The following MTUS1 variants were observed in gnomAD, a reference collection of about 807,000 sequenced individuals.
The protein encoded by MTUS1 is microtubule associated scaffold protein 1.
Under a neutral mutation model 120.8 loss-of-function variants are expected in MTUS1, and 109 were observed. The ratio of observed to expected loss-of-function variants is 0.90; its 90% CI spans 0.77 to 1.06. The LOEUF is 1.06. MTUS1 is among the 50% of genes least tolerant of loss of function. The pLI, the probability that MTUS1 is intolerant of heterozygous loss-of-function variation, is 0.00. For synonymous variants in MTUS1, 737 were observed against 550.5 expected (o/e 1.34, Z -4.74); for missense variants, 2,210 against 1,486.3 (o/e 1.49, Z -8.01).
intron 8 of MTUS1, among the ~76,000 whole-genome samples, chr8:17,671,801 C>T (rs1037537510): frequency 2.6e-5 from 4 of 152,168 alleles, no homozygotes; most frequent in South Asian, 2.1e-4. Flanking sequence ...CAACTCCCAT[C>T]GCCCCACCCC....
At chr8:17,729,868 G>A (rs372719873) in intron 3 of MTUS1, among the ~76,000 whole-genome samples, 5 of 150,070 alleles carry the variant, frequency 3.3e-5, no homozygotes, top group African/African-American at 9.8e-5. Flanking sequence ...TTTCTCCTAA[G>A]AAGACAACAA....
chr8:17,723,699 T>G lies in MTUS1; in HGVS notation c.2422A>C (p.Ser808Arg), dbSNP rs550434034. ...GSTPSIASTH[S>R]ELSTYSNNSG... is the part of the protein sequence containing the mutation. ...TTGTTGCTGTAAGTGCTCAGCTCAC[T>G]GTGGGTGCTGGCTATTGAGGGGGTG... Residue 808 changes from serine to arginine, a missense_variant, in exon 4 of 15, where the codon AGT (serine) becomes CGT (arginine). Physicochemically the swap from Ser to Arg is moderately radical, Grantham distance 110. Transcript: ENST00000693296. 6.2e-7 allele frequency: 1 copy of G among 1,610,932 alleles called. No individual in the cohort carries two copies. The highest frequency in any genetic ancestry group is 1.3e-5 in the African/African-American group (1 of 74,966).
chr8:17,653,142 G>T, intron 12 of MTUS1, 44 bp downstream of exon 12: 2 of 1,181,542 alleles, frequency 1.7e-6, no homozygotes, highest in South Asian at 1.4e-5. Flanking sequence ...AAAGGCAACT[G>T]AGAAGAAAAA....
intron 2 of MTUS1, among the ~76,000 whole-genome samples, chr8:17,751,632 G>A (rs974941401): frequency 6.6e-6 from 1 of 152,104 alleles, no homozygotes; most frequent in Non-Finnish European, 1.5e-5. Flanking sequence ...GGCCGAGGCA[G>A]GTGGATCATG....
intron 1 of MTUS1, among the ~76,000 whole-genome samples, chr8:17,799,680 C>A (rs2052525180): frequency 6.6e-6 from 1 of 151,968 alleles, no homozygotes; most frequent in African/African-American, 2.4e-5. Flanking sequence ...CAAAATGTAA[C>A]CTTGACTTAT....
At chr8:17,662,459 G>A (rs192376052) in intron 8 of MTUS1, among the ~76,000 whole-genome samples, 22 of 148,416 alleles carry the variant, frequency 1.5e-4, no homozygotes, top group South Asian at 1.1e-3. Context: ...GGGTTCATGC[G>A]ATTCTCTTGC....
chr8:17,734,915 T>C (rs1033080786), intron 3 of MTUS1, among the ~76,000 whole-genome samples: 16 of 152,140 alleles, frequency 1.1e-4, no homozygotes, highest in Non-Finnish European at 2.1e-4. Context: ...CACCAACTTT[T>C]TTTTTTTTCT....
chr8:17,760,345 A>G (rs1472873242), intron 1 of MTUS1, among the ~76,000 whole-genome samples: 2 of 152,236 alleles, frequency 1.3e-5, no homozygotes, highest in Non-Finnish European at 2.9e-5. Context: ...CATCTCTTCT[A>G]CTTTGTAGAC....
At chr8:17,742,629 T>C (rs184972420) in intron 3 of MTUS1, among the ~76,000 whole-genome samples, 1 of 152,242 alleles carries the variant, frequency 6.6e-6, no homozygotes, top group Admixed American at 6.5e-5. Context: ...TCTGTGGTCA[T>C]GTCTCCTTGA....
intron 3 of MTUS1, chr8:17,724,225 T>C: frequency 2.5e-6 from 1 of 402,128 alleles, no homozygotes; most frequent in African/African-American, 2.1e-5. Flanking sequence ...AAAAAAATAA[T>C]CCATTAGGAC....
chr8:17,720,670 C>A (rs1016703373), intron 4 of MTUS1, among the ~76,000 whole-genome samples: 4 of 152,198 alleles, frequency 2.6e-5, no homozygotes, highest in African/African-American at 9.6e-5. Context: ...AGACCCCCTT[C>A]TAAATTGCAC....
rs533346706 is a variant in MTUS1 at position 17,750,516 on chromosome 8, T to G, written c.2091+3201A>C. 4.0e-4 allele frequency among the ~76,000 whole-genome samples: 61 copies of G among 152,190 alleles called. 1 individual carries two copies. The highest frequency in any genetic ancestry group is 1.3e-3 in the African/African-American group (55 of 41,546). ...TTCCAAAAATTTTGAAACCGTATGGTGTATGGAGCAGAAAAGGCCAGGATT... is the reference window on the plus strand; with the variant it reads ...TTCCAAAAATTTTGAAACCGTATGGGGTATGGAGCAGAAAAGGCCAGGATT... On this transcript the variant is annotated intron_variant, in intron 2 of 14. Coordinates refer to ENST00000693296, the MANE Select transcript of MTUS1 (RefSeq NM_001363059.2).
At chr8:17,794,607 T>C (rs774544299) in intron 1 of MTUS1, among the ~76,000 whole-genome samples, 4 of 152,214 alleles carry the variant, frequency 2.6e-5, no homozygotes, top group Non-Finnish European at 2.9e-5. Flanking sequence ...GGAGGACTTC[T>C]GCAATCCTCA....
intron 1 of MTUS1, among the ~76,000 whole-genome samples, chr8:17,764,466 T>C (rs2049306604): frequency 1.3e-5 from 2 of 150,984 alleles, no homozygotes; most frequent in Admixed American, 6.6e-5. Context: ...CATTAAACAA[T>C]AGTTTATAAT....
chr8:17,663,967 G>C (rs144119054), intron 8 of MTUS1: 25 of 152,352 alleles, frequency 1.6e-4, no homozygotes, highest in African/African-American at 5.8e-4. Context: ...AATAGCACAG[G>C]TGAAGCACTC....
At chr8:17,665,862 C>A (rs1810787836) in intron 8 of MTUS1, among the ~76,000 whole-genome samples, 1 of 152,128 alleles carries the variant, frequency 6.6e-6, no homozygotes, top group Admixed American at 6.6e-5. Context: ...ACCTTTCCCC[C>A]CCTATACTGG....
At position 17,755,609 on chromosome 8, in the gene MTUS1, C is replaced by G. The variant is rs776390639; in HGVS notation, c.199G>C (p.Gly67Arg). ...DYETDPAVVTGENISLSLQGV... is the reference protein window; with the variant it reads ...DYETDPAVVTRENISLSLQGV... ...TGAAGGCTTAAAGAAATATTTTCACCAGTAACTACAGCAGGGTCAGTTTCA... is the reference window on the plus strand; with the variant it reads ...TGAAGGCTTAAAGAAATATTTTCACGAGTAACTACAGCAGGGTCAGTTTCA... The change falls in exon 2 of 15, where the codon GGT (glycine) becomes CGT (arginine). Residue 67 changes from glycine (G) to arginine (R), a missense_variant. Transcript: ENST00000693296. 10 of 1,614,160 alleles carry G rather than the reference C, an allele frequency of 6.2e-6. No individual in the cohort carries two copies. The Admixed American group carries it at 1.7e-4, about 27-fold the overall frequency.
chr8:17,773,613 G>C (rs1230109941), intron 1 of MTUS1, among the ~76,000 whole-genome samples: 6 of 152,148 alleles, frequency 3.9e-5, no homozygotes, highest in African/African-American at 1.4e-4. Flanking sequence ...GCATCACATA[G>C]TGAGACAGTA....
intron 6 of MTUS1, among the ~76,000 whole-genome samples, chr8:17,695,777 A>G (rs561246190): frequency 6.6e-6 from 1 of 152,332 alleles, no homozygotes; most frequent in South Asian, 2.1e-4. Context: ...TATAGAATAT[A>G]TAGTACGCTT....
Sources: gnomAD v4.1 joint callset for allele counts (sites outside exome capture counted in the v4.1 genomes callset) on GRCh38, gnomAD v4.1.1 for gene constraint, MANE v1.5 for transcripts, NCBI Gene and HGNC (gene_info 2026-07-23, HGNC 2026-07-21) for gene names.